Variants in TULP4 observed in about 807,000 individuals in gnomAD.
TULP4 encodes the protein TUB like protein 4, also known as tubby-related protein 4.
A neutral mutation model predicts 129.0 loss-of-function variants in TULP4; 16 were observed. The observed-to-expected ratio is 0.12, with a 90% CI of 0.08 to 0.19. The LOEUF is 0.19. Among genes scored for constraint, TULP4 ranks in the 10% least tolerant of loss-of-function variants. The probability of loss-of-function intolerance (pLI) is 1.00; values close to 1 mark genes in which losing one functional copy is unlikely to be tolerated. For synonymous variants in TULP4, 998 were observed against 854.0 expected, an observed-to-expected ratio of 1.17 and a Z score of -2.94; for missense variants, 1,842 against 2,059.1, an observed-to-expected ratio of 0.89 and a Z score of 2.04.
intron 1 of TULP4, among the ~76,000 whole-genome samples, chr6:158,288,631 G>T (rs1562506853): frequency 2.0e-5 from 3 of 152,028 alleles, no homozygotes; most frequent in Non-Finnish European, 2.9e-5. Flanking sequence ...CTCCGGAGTA[G>T]CTGGGACTAC....
intron 1 of TULP4, among the ~76,000 whole-genome samples, chr6:158,354,887 CAAA>C (rs1453196414): frequency 9.3e-6 from 1 of 108,030 alleles, no homozygotes. Context: ...GACCCCATCT[CAAA>C]AAAAAAAAAA....
intron 1 of TULP4, among the ~76,000 whole-genome samples, chr6:158,257,647 A>G (rs1027001785): frequency 6.6e-6 from 1 of 151,988 alleles, no homozygotes; most frequent in Non-Finnish European, 1.5e-5. Context: ...TTCCTGTAGG[A>G]GTTGATTAGG....
intron 1 of TULP4, among the ~76,000 whole-genome samples, chr6:158,241,262 A>T (rs1777901337): frequency 1.7e-5 from 2 of 114,744 alleles, no homozygotes; most frequent in South Asian, 5.9e-4. Flanking sequence ...CACTTTCCAG[A>T]CTGGGCAGCC....
rs1245163706 is a variant in TULP4, at chr6:158,494,766, C to G, written c.1790C>G (p.Ala597Gly). The G allele has an allele frequency of 3.7e-5, 60 of 1,613,588 alleles. No homozygotes were observed. The highest frequency in any genetic ancestry group is 4.9e-5 in the Non-Finnish European group (58 of 1,179,908). ...FEDITQHNYL[A>G]QVTSNIWGTK... ...TTCCTACCGCAGCACAACTATCTTG[C>G]TCAGGTCACGTCTAATATCTGGGGA... Residue 597 changes from alanine to glycine, a missense_variant, in exon 11 of 14, where the codon GCT (alanine) becomes GGT (glycine). By Grantham distance (60) the Ala-to-Gly change is moderately conservative. Around this residue, in one of 5 missense-constraint regions of TULP4, gnomAD observed 99 missense variants for 165.1 expected, o/e 0.60. Coordinates refer to ENST00000367097, the MANE Select transcript of TULP4 (RefSeq NM_020245.5).
chr6:158,243,550 C>G (rs1281574247), intron 1 of TULP4, among the ~76,000 whole-genome samples: 2 of 150,542 alleles, frequency 1.3e-5, no homozygotes, highest in Non-Finnish European at 3.0e-5. Flanking sequence ...GGTTCTCTAT[C>G]TTTTTTTTTC....
intron 1 of TULP4, among the ~76,000 whole-genome samples, chr6:158,390,294 A>G (rs1777555626): frequency 6.6e-6 from 1 of 152,046 alleles, no homozygotes; most frequent in Admixed American, 6.6e-5. Flanking sequence ...AAACTGAATC[A>G]TAGTATATCT....
At chr6:158,331,324 C>T (rs1322945486) in intron 1 of TULP4, among the ~76,000 whole-genome samples, 6 of 152,118 alleles carry the variant, frequency 3.9e-5, no homozygotes, top group Non-Finnish European at 5.9e-5. Context: ...TCCCTATCCA[C>T]CCACCTACCT....
intron 3 of TULP4, among the ~76,000 whole-genome samples, chr6:158,442,898 C>G (rs1778932906): frequency 6.6e-6 from 1 of 151,894 alleles, no homozygotes. Context: ...ACTGCAACCT[C>G]CACCTCCTGG....
At chr6:158,349,477 GGTTGGCAGCTGGGCAGA>G (rs1780433065) in intron 1 of TULP4, among the ~76,000 whole-genome samples, 1 of 129,252 alleles carries the variant, frequency 7.7e-6, no homozygotes, top group African/African-American at 2.9e-5. Flanking sequence ...CTCCCAGATG[GGTTGGCAGCTGGGCAGA>G]GGTGCTCCTC....
At chr6:158,392,857 G>A (rs1386507540) in intron 1 of TULP4, among the ~76,000 whole-genome samples, 33 of 128,400 alleles carry the variant, frequency 2.6e-4, no homozygotes, top group South Asian at 2.5e-3. Context: ...CTGGAGTGCA[G>A]TGGCGTGATC....
chr6:158,332,806 T>C (rs1779942139), intron 1 of TULP4, among the ~76,000 whole-genome samples: 1 of 152,126 alleles, frequency 6.6e-6, no homozygotes, highest in South Asian at 2.1e-4. Flanking sequence ...GTCCCTCTAG[T>C]CCTTTTTCTG....
chr6:158,506,213 C>T (rs1332143949), intron 13 of TULP4, among the ~76,000 whole-genome samples: 5 of 146,302 alleles, frequency 3.4e-5, no homozygotes, highest in South Asian at 2.2e-4. Flanking sequence ...TCGCCTTGCT[C>T]GCCTTGTTCT....
At chr6:158,505,623 C>T (rs1473079528) in intron 13 of TULP4, among the ~76,000 whole-genome samples, 3 of 152,214 alleles carry the variant, frequency 2.0e-5, no homozygotes, top group Admixed American at 6.5e-5. Context: ...GGACCAGAGG[C>T]GGATGAGTGC....
At chr6:158,412,918 G>T in intron 1 of TULP4, 147 bp from the exon 2 acceptor site, 3 of 1,134,886 alleles carry the variant, frequency 2.6e-6, no homozygotes, top group Non-Finnish European at 3.6e-6. Context: ...AGCTCTGTCT[G>T]TTCCCTGCCC....
At chr6:158,394,786 C>CAAAAAAAAAA (rs71030166) in intron 1 of TULP4, among the ~76,000 whole-genome samples, 751 of 45,998 alleles carry the variant, frequency 0.016, 103 homozygotes, top group Non-Finnish European at 0.021. Context: ...GGCTCTGTCT[C>CAAAAAAAAAA]AAAAAAAAAA....
chr6:158,268,059 T>G (rs1382969921), intron 1 of TULP4, among the ~76,000 whole-genome samples: 8 of 142,320 alleles, frequency 5.6e-5, no homozygotes, highest in Non-Finnish European at 1.5e-5. Flanking sequence ...TTTTGAGACG[T>G]ACTTTTGCTC....
chr6:158,245,685 A>G (rs902758350), intron 1 of TULP4, among the ~76,000 whole-genome samples: 13 of 152,250 alleles, frequency 8.5e-5, no homozygotes, highest in Non-Finnish European at 4.4e-5. Flanking sequence ...AATTATTTAA[A>G]TGGATTATAT....
intron 1 of TULP4, among the ~76,000 whole-genome samples, chr6:158,323,164 A>G (rs560669162): frequency 2.1e-4 from 32 of 152,266 alleles, no homozygotes; most frequent in Non-Finnish European, 2.6e-4. Flanking sequence ...CTGCCCTGGA[A>G]CAAAATTGCC....
At chr6:158,370,513 A>G (rs958795180) in intron 1 of TULP4, among the ~76,000 whole-genome samples, 3 of 151,354 alleles carry the variant, frequency 2.0e-5, no homozygotes, top group Admixed American at 2.0e-4. Flanking sequence ...AGCCTGAATG[A>G]CAGAGCAAGC....
Sources: allele counts gnomAD v4.1 joint callset (sites outside exome capture counted in the v4.1 genomes callset), GRCh38; gene constraint gnomAD v4.1.1; regional missense constraint gnomAD v4.1.1; transcripts MANE v1.5; gene names NCBI Gene and HGNC (gene_info 2026-07-23, HGNC 2026-07-21).